The following STIL variants were observed in gnomAD, a reference collection of about 807,000 sequenced individuals.
STIL encodes STIL centriolar assembly protein.
In STIL, 55 loss-of-function variants were observed where a neutral mutation model predicts 110.1. The ratio of observed to expected loss-of-function variants is 0.50; its 90% confidence interval spans 0.40 to 0.63. The LOEUF is 0.63. STIL is among the 20% of genes least tolerant of loss of function. The probability of loss-of-function intolerance (pLI) is 0.00; values close to 1 mark genes in which losing one functional copy is unlikely to be tolerated. For missense variants in STIL, 1,358 were observed against 1,530.0 expected, an observed-to-expected ratio of 0.89 and a Z score of 1.87; for synonymous variants, 481 against 530.0, an observed-to-expected ratio of 0.91 and a Z score of 1.27.
chr1:47,307,489 A>G (rs1361590774), intron 2 of STIL, among the ~76,000 whole-genome samples: 2 of 152,170 alleles, frequency 1.3e-5, no homozygotes, highest in Non-Finnish European at 2.9e-5. Context: ...TTTCATGGAC[A>G]CTTATCACTT....
chr1:47,283,624 G>A (rs1645210506), intron 10 of STIL: 1 of 152,128 alleles, frequency 6.6e-6, no homozygotes, highest in South Asian at 2.1e-4. Context: ...CATATCACCA[G>A]TACTGGCATA....
intron 6 of STIL, among the ~76,000 whole-genome samples, chr1:47,296,464 A>G (rs1645644462): frequency 6.6e-6 from 1 of 152,204 alleles, no homozygotes. Context: ...AAAAAACCAA[A>G]GTAGAATTGT....
chr1:47,308,380 G>A (rs9436871), intron 2 of STIL, among the ~76,000 whole-genome samples: 7,110 of 147,288 alleles, frequency 0.048, 559 homozygotes, highest in African/African-American at 0.17. Context: ...CAGGTCCCCC[G>A]ATACTGTCTC....
At chr1:47,278,050 A>G (rs1255172052) in intron 12 of STIL, among the ~76,000 whole-genome samples, 1 of 152,186 alleles carries the variant, frequency 6.6e-6, no homozygotes, top group African/African-American at 2.4e-5. Context: ...TTGCAATACT[A>G]GAACAGGAAC....
intron 2 of STIL, chr1:47,305,292 C>T (rs1417619656): frequency 1.8e-5 from 5 of 285,414 alleles, no homozygotes; most frequent in Admixed American, 9.7e-5. Context: ...CACCCGGCTA[C>T]TTTTTGTATT....
chr1:47,254,245 T>C (rs977275339), intron 16 of STIL, among the ~76,000 whole-genome samples: 1 of 135,344 alleles, frequency 7.4e-6, no homozygotes, highest in Middle Eastern at 4.6e-3. Context: ...CACCAAACAA[T>C]GGAACAGTGT....
In STIL at chr1:47,263,054, A is replaced by T; in HGVS notation, c.2678T>A (p.Leu893Gln). ...TAAACACATGCTTACACTTTCTGCC[A>T]GCTGGCCACTTGGAAAGAACACAGG... is the stretch of plus-strand genomic sequence containing the variant. Reference protein sequence around the residue: ...DVPVFFPSGQLAESVSMCLQT... With the variant: ...DVPVFFPSGQQAESVSMCLQT... Residue 893 changes from leucine to glutamine, a missense_variant, in exon 15 of 17, where the codon CTG becomes CAG. Coordinates refer to ENST00000371877, the MANE Select transcript of STIL (RefSeq NM_001048166.1). 1 of 1,614,214 alleles carries T rather than the reference A, an allele frequency of 6.2e-7. No individual in the cohort carries two copies. Among genetic ancestry groups the T allele is most frequent in the East Asian group, 2.2e-5 (1 of 44,874 alleles).
At chr1:47,292,275 G>A (rs1209268001) in intron 8 of STIL, among the ~76,000 whole-genome samples, 1 of 152,056 alleles carries the variant, frequency 6.6e-6, no homozygotes, top group African/African-American at 2.4e-5. Flanking sequence ...CAGTGTTAGT[G>A]CAGGTAGAGA....
chr1:47,302,534 G>A (rs1397526235), intron 3 of STIL, among the ~76,000 whole-genome samples, 188 bp from the exon 4 acceptor site: 1 of 152,188 alleles, frequency 6.6e-6, no homozygotes. Context: ...GCAATAAACA[G>A]ACACTGAAAC....
chr1:47,252,745 A>C (rs1373365421), intron 16 of STIL, among the ~76,000 whole-genome samples: 1 of 151,654 alleles, frequency 6.6e-6, no homozygotes, highest in East Asian at 1.9e-4. Flanking sequence ...GCAATTAATA[A>C]AAAACATCAA....
chr1:47,272,642 G>A (rs1259679940), intron 12 of STIL, among the ~76,000 whole-genome samples: 2 of 151,862 alleles, frequency 1.3e-5, no homozygotes, highest in African/African-American at 4.8e-5. Context: ...TAGAGATGGG[G>A]TTTTGCCATG....
At chr1:47,302,026 C>T (rs1432581357) in intron 4 of STIL, among the ~76,000 whole-genome samples, 4 of 152,100 alleles carry the variant, frequency 2.6e-5, no homozygotes, top group Admixed American at 2.6e-4. Flanking sequence ...AAAATTAGCG[C>T]AAAGCAAATA....
At chr1:47,272,327 C>A in intron 12 of STIL, 86 bp from the exon 13 acceptor site, 1 of 1,417,460 alleles carries the variant, frequency 7.1e-7, no homozygotes, top group Non-Finnish European at 9.9e-7. Flanking sequence ...ACAAAGCGCC[C>A]TAATTATAAG....
In STIL at chr1:47,305,012, T is replaced by C. The variant is rs375332391; in HGVS notation, c.45-16A>G. 31 of 1,597,172 alleles carry C rather than the reference T, an allele frequency of 1.9e-5. No individual in the cohort carries two copies. Among genetic ancestry groups the C allele is most frequent in the Middle Eastern group, 1.7e-4 (1 of 6,058 alleles). On this transcript the variant is annotated splice_polypyrimidine_tract_variant and intron_variant, in intron 2 of 16. Coordinates refer to ENST00000371877, the MANE Select transcript of STIL (RefSeq NM_001048166.1). Reference sequence around the variant, plus strand: ...TGAAGGAAACCTTTTGAAAAAACAATGTAAAATTAAAGCACAAGGAATAGC... The same window carrying C: ...TGAAGGAAACCTTTTGAAAAAACAACGTAAAATTAAAGCACAAGGAATAGC...
In STIL at chr1:47,281,065, A is replaced by G; in HGVS notation, c.1393T>C (p.Leu465=). 1.2e-6 allele frequency: 2 copies of G among 1,614,144 alleles called. No homozygotes were observed. The highest frequency in any genetic ancestry group is 8.5e-7 in the Non-Finnish European group (1 of 1,180,028). The change falls in exon 12 of 17, where the codon TTG becomes CTG. Residue 465 remains leucine, a synonymous_variant. Coordinates refer to ENST00000371877, the MANE Select transcript of STIL (RefSeq NM_001048166.1). ...LINHLEHLKP[L]QPQLYDEKHS... is the part of the protein sequence containing the mutation. ...TTCTCATCATAAAGCTGGGGTTGCA[A>G]TGGCTTCAAGTGTTCCAAGTGGTTA... is the stretch of plus-strand genomic sequence containing the variant.
chr1:47,308,363 A>G (rs953294951), intron 2 of STIL, among the ~76,000 whole-genome samples: 1 of 152,096 alleles, frequency 6.6e-6, no homozygotes, highest in Admixed American at 6.6e-5. Flanking sequence ...CTACGTGATT[A>G]TCGGGGCAGG....
Position 47,260,338 on chromosome 1 carries a change from C to G in STIL, c.3031G>C (p.Asp1011His), listed in dbSNP as rs559013615. 8 of 1,614,092 alleles carry G rather than the reference C, an allele frequency of 5.0e-6. No individual in the cohort carries two copies. In the South Asian group the frequency reaches 6.6e-5, roughly 13 times the overall value. Residue 1011 changes from aspartate (D) to histidine (H), a missense_variant, in exon 16 of 17, where the codon GAT (aspartate) becomes CAT (histidine). By Grantham distance (81) the Asp-to-His change is moderately conservative. Coordinates refer to ENST00000371877, the MANE Select transcript of STIL (RefSeq NM_001048166.1). Reference protein sequence around the residue: ...KQLRSLGVKIDSPTKVKKNAH... With the variant: ...KQLRSLGVKIHSPTKVKKNAH... ...TTTTTCTTCACTTTAGTGGGAGAAT[C>G]AATTTTTACTCCAAGGCTTCTTAGT...
At position 47,287,616 on chromosome 1, in the gene STIL, G is replaced by A. The variant is rs138235440; in HGVS notation, c.1068C>T (p.Ser356=). Residue 356 remains serine, a synonymous_variant, in exon 10 of 17, where the codon AGC becomes AGT. Coordinates refer to ENST00000371877, the MANE Select transcript of STIL (RefSeq NM_001048166.1). ...CTGTTTCTGCATTTTGGCTTTCAGC[G>A]CTCAGTTCACAACGGATTGGATTTT... is the stretch of plus-strand genomic sequence containing the variant. ...PDKNPIRCEL[S]AESQNAETEF... 3.2e-5 allele frequency: 52 copies of A among 1,613,072 alleles called. No homozygotes were observed. The highest frequency in any genetic ancestry group is 1.0e-4 in the Admixed American group (6 of 59,956).
intron 16 of STIL, among the ~76,000 whole-genome samples, chr1:47,252,727 T>C (rs922777193): frequency 1.3e-5 from 2 of 151,092 alleles, no homozygotes; most frequent in African/African-American, 2.4e-5. Flanking sequence ...GTTGAAGAGA[T>C]TCCATTTGCA....
Sources: gnomAD v4.1 joint callset for allele counts (sites outside exome capture counted in the v4.1 genomes callset) on GRCh38, gnomAD v4.1.1 for gene constraint, MANE v1.5 for transcripts, NCBI Gene and HGNC (gene_info 2026-07-23, HGNC 2026-07-21) for gene names.